Variants in TRIM67 observed in about 807,000 individuals in gnomAD.
The protein encoded by TRIM67 is tripartite motif-containing protein 67.
Under a neutral mutation model 71.0 loss-of-function variants are expected in TRIM67, and 39 were observed. The ratio of observed to expected loss-of-function variants is 0.55; its 90% CI spans 0.43 to 0.72. The LOEUF (loss-of-function observed/expected upper bound fraction) is 0.72, where lower values mean the gene tolerates loss of function less well. Ranked by LOEUF, TRIM67 falls within the 30% of genes least tolerant of loss-of-function variation. The probability of loss-of-function intolerance (pLI) is 0.00; values close to 1 mark genes in which losing one functional copy is unlikely to be tolerated. For missense variants in TRIM67, 973 were observed against 1,079.2 expected (o/e 0.90, Z 1.38); for synonymous variants, 481 against 473.9 (o/e 1.01, Z -0.19).
At chr1:231,208,874 T>G in intron 7 of TRIM67, 73 bp from the exon 8 acceptor site, 1 of 1,439,974 alleles carries the variant, frequency 6.9e-7, no homozygotes, top group Non-Finnish European at 9.4e-7. Flanking sequence ...TGTGTTTGTG[T>G]CTCTGAGCCG....
chr1:231,200,226 A>G lies in TRIM67; in HGVS notation c.1342A>G (p.Ile448Val), dbSNP rs781712743. The G allele has an allele frequency of 3.7e-6, 6 of 1,613,812 alleles. No individual in the cohort carries two copies. The South Asian group carries it at 6.6e-5, about 18-fold the overall frequency. Residue 448 changes from isoleucine to valine, a missense_variant, in exon 4 of 10, where the codon ATC becomes GTC. By Grantham distance (29) the Ile-to-Val change is conservative. This residue lies in a region of TRIM67 where 795 missense variants were observed against 831.3 expected (regional missense o/e 0.96). Coordinates refer to ENST00000366653, the MANE Select transcript of TRIM67 (RefSeq NM_001004342.5). ...TGLMEYCLEVIKENDPSGFLQ... is the reference protein window; with the variant it reads ...TGLMEYCLEVVKENDPSGFLQ... ...ACTGATGGAGTACTGCCTGGAGGTG[A>G]TCAAGGAGAACGACCCCTCCGGGTT...
intron 5 of TRIM67, among the ~76,000 whole-genome samples, chr1:231,202,788 A>G (rs764274961): frequency 1.2e-4 from 19 of 152,208 alleles, no homozygotes; most frequent in Non-Finnish European, 2.1e-4. Context: ...AATGACACGC[A>G]GTGCTGAGAA....
chr1:231,198,719 C>T (rs1683440254), intron 2 of TRIM67, among the ~76,000 whole-genome samples: 1 of 152,178 alleles, frequency 6.6e-6, no homozygotes, highest in Admixed American at 6.5e-5. Context: ...TACACACACA[C>T]ACACAATGTA....
rs536199431 is a variant in TRIM67 at position 231,162,499 on chromosome 1, C to G, written c.-471C>G. ...TGCCTGTCTCACCTCGCTATCACCC[C>G]GATAAGGAGTTGGGCCGGGGCAGAA... On this transcript the variant is annotated 5_prime_UTR_variant, in exon 1 of 10. Coordinates refer to ENST00000366653, the MANE Select transcript of TRIM67 (RefSeq NM_001004342.5). The G allele has an allele frequency of 2.7e-4, 46 of 167,480 alleles. No homozygotes were observed. Among genetic ancestry groups the G allele is most frequent in the Non-Finnish European group, 4.6e-4 (36 of 78,490 alleles). The allele number at this position is 167,480 out of a possible 1,614,324, so 10.4% of individuals were successfully genotyped here.
At chr1:231,187,456 A>C in intron 1 of TRIM67, 1 of 1,332,628 alleles carries the variant, frequency 7.5e-7, no homozygotes, top group Non-Finnish European at 1.0e-6. Flanking sequence ...CCAACAGATG[A>C]GGGCATTTTT....
intron 1 of TRIM67, among the ~76,000 whole-genome samples, chr1:231,183,897 G>T (rs929725577): frequency 6.6e-6 from 1 of 152,094 alleles, no homozygotes; most frequent in African/African-American, 2.4e-5. Context: ...TCAAACCCAG[G>T]CATTCTGGCT....
chr1:231,212,692 G>A (rs1473155430), intron 8 of TRIM67, among the ~76,000 whole-genome samples: 1 of 152,138 alleles, frequency 6.6e-6, no homozygotes, highest in African/African-American at 2.4e-5. Context: ...CACTGCCTGG[G>A]CCACAGGGAG....
Sources: allele counts gnomAD v4.1 joint callset (sites outside exome capture counted in the v4.1 genomes callset), GRCh38; gene constraint gnomAD v4.1.1; regional missense constraint gnomAD v4.1.1; transcripts MANE v1.5; gene names NCBI Gene and HGNC (gene_info 2026-07-23, HGNC 2026-07-21).